SGCZ: variants seen among roughly 807,000 people sequenced by gnomAD.
SGCZ encodes the protein zeta-sarcoglycan.
In SGCZ, 40 loss-of-function variants were observed where a neutral mutation model predicts 41.3. The ratio of observed to expected loss-of-function variants is 0.97; its 90% CI spans 0.75 to 1.26. The LOEUF (loss-of-function observed/expected upper bound fraction) is 1.26. Ranked by LOEUF, SGCZ falls within the 50% of genes most tolerant of loss-of-function variation. The pLI is 0.00. For synonymous variants in SGCZ, 206 were observed against 137.5 expected (o/e 1.50, Z -3.49); for missense variants, 552 against 369.8 (o/e 1.49, Z -4.04).
At chr8:14,340,692 T>C (rs141879276) in intron 2 of SGCZ, among the ~76,000 whole-genome samples, 1 of 152,300 alleles carries the variant, frequency 6.6e-6, no homozygotes, top group Admixed American at 6.5e-5. Flanking sequence ...GACTAATGCA[T>C]CCACTGATAA....
intron 2 of SGCZ, among the ~76,000 whole-genome samples, chr8:14,415,717 A>G (rs548797874): frequency 6.6e-6 from 1 of 152,064 alleles, no homozygotes; most frequent in South Asian, 2.1e-4. Flanking sequence ...TTGGAATAAC[A>G]GTTGAGAACA....
intron 2 of SGCZ, among the ~76,000 whole-genome samples, chr8:14,339,138 G>T (rs576833306): frequency 6.6e-6 from 1 of 151,964 alleles, no homozygotes; most frequent in Non-Finnish European, 1.5e-5. Flanking sequence ...AAAAATCAGT[G>T]CTACGAAAGC....
At chr8:14,337,212 T>C (rs750758290) in intron 2 of SGCZ, among the ~76,000 whole-genome samples, 4 of 152,124 alleles carry the variant, frequency 2.6e-5, no homozygotes, top group Non-Finnish European at 4.4e-5. Flanking sequence ...AGTCTGCAAT[T>C]GTCCCCTTCC....
At chr8:14,587,689 C>A (rs897415642) in intron 1 of SGCZ, among the ~76,000 whole-genome samples, 1 of 152,148 alleles carries the variant, frequency 6.6e-6, no homozygotes, top group African/African-American at 2.4e-5. Context: ...TACTTCACCT[C>A]TCTTTTATTA....
chr8:14,652,285 G>A (rs1184870186), intron 1 of SGCZ, among the ~76,000 whole-genome samples: 2 of 121,464 alleles, frequency 1.6e-5, no homozygotes, highest in East Asian at 5.6e-4. Context: ...AGGTTGCGGT[G>A]AGCCAAGATC....
At chr8:15,137,780 G>T (rs752260889) in intron 1 of SGCZ, among the ~76,000 whole-genome samples, 3 of 152,224 alleles carry the variant, frequency 2.0e-5, no homozygotes, top group African/African-American at 7.2e-5. Flanking sequence ...GAAGTTTGCT[G>T]CAGAGATGGA....
intron 1 of SGCZ, among the ~76,000 whole-genome samples, chr8:14,886,653 G>C (rs1804817540): frequency 6.6e-6 from 1 of 152,148 alleles, no homozygotes; most frequent in African/African-American, 2.4e-5. Flanking sequence ...AGAAAAGAAA[G>C]AGATGAGATC....
chr8:14,691,550 A>G (rs572053361), intron 1 of SGCZ, among the ~76,000 whole-genome samples: 2 of 152,228 alleles, frequency 1.3e-5, no homozygotes, highest in Non-Finnish European at 2.9e-5. Flanking sequence ...TTTTGCAATC[A>G]TAGGCACATA....
chr8:14,624,562 T>TATTTA (rs1563161380), intron 1 of SGCZ, among the ~76,000 whole-genome samples: 2 of 108,654 alleles, frequency 1.8e-5, no homozygotes, highest in African/African-American at 6.7e-5. Flanking sequence ...ATTATTTTTT[T>TATTTA]TTTTTTTTTT....
intron 2 of SGCZ, among the ~76,000 whole-genome samples, chr8:14,459,141 T>C (rs895002527): frequency 6.6e-6 from 1 of 152,100 alleles, no homozygotes; most frequent in African/African-American, 2.4e-5. Flanking sequence ...GCTGGAAACC[T>C]TCATTCTCAG....
chr8:15,062,240 A>C (rs1019525524), intron 1 of SGCZ, among the ~76,000 whole-genome samples: 4 of 152,166 alleles, frequency 2.6e-5, no homozygotes. Flanking sequence ...CAGCAATAAT[A>C]AAAAATAGAA....
chr8:14,497,034 T>G (rs1232250741), intron 2 of SGCZ, among the ~76,000 whole-genome samples: 1 of 152,180 alleles, frequency 6.6e-6, no homozygotes, highest in Non-Finnish European at 1.5e-5. Flanking sequence ...GCAGTAGAAT[T>G]AACACTGACA....
intron 2 of SGCZ, among the ~76,000 whole-genome samples, chr8:14,523,622 A>G (rs1802854323): frequency 6.6e-6 from 1 of 152,004 alleles, no homozygotes; most frequent in African/African-American, 2.4e-5. Flanking sequence ...ACTTTCTAGA[A>G]GCTTGCCTGT....
chr8:15,108,608 G>A (rs1421098945), intron 1 of SGCZ, among the ~76,000 whole-genome samples: 2 of 152,170 alleles, frequency 1.3e-5, no homozygotes, highest in African/African-American at 4.8e-5. Flanking sequence ...AAAGTACATA[G>A]GATTGATCAG....
At chr8:14,866,830 G>A (rs1803949344) in intron 1 of SGCZ, among the ~76,000 whole-genome samples, 1 of 152,024 alleles carries the variant, frequency 6.6e-6, no homozygotes, top group Admixed American at 6.6e-5. Flanking sequence ...TTTGGAGTTT[G>A]TTTGTCTCAA....
At chr8:15,036,051 G>C (rs1803862449) in intron 1 of SGCZ, among the ~76,000 whole-genome samples, 1 of 151,916 alleles carries the variant, frequency 6.6e-6, no homozygotes, top group African/African-American at 2.4e-5. Flanking sequence ...AAAGAGAGTT[G>C]CTATGTGAAA....
chr8:14,855,538 T>C (rs1423148912), intron 1 of SGCZ, among the ~76,000 whole-genome samples: 1 of 152,178 alleles, frequency 6.6e-6, no homozygotes, highest in African/African-American at 2.4e-5. Context: ...GACTAGAAGG[T>C]CAATTCTGGT....
chr8:14,528,381 T>C (rs927859491), intron 2 of SGCZ, among the ~76,000 whole-genome samples: 27 of 152,028 alleles, frequency 1.8e-4, no homozygotes, highest in Non-Finnish European at 7.4e-5. Flanking sequence ...TACTAAACAA[T>C]ATGTATGCGT....
chr8:15,101,532 T>G (rs889946191), intron 1 of SGCZ, among the ~76,000 whole-genome samples: 1 of 152,154 alleles, frequency 6.6e-6, no homozygotes, highest in Non-Finnish European at 1.5e-5. Context: ...TAAAACAACA[T>G]GAGATACCTC....
Sources: allele counts gnomAD v4.1 joint callset (sites outside exome capture counted in the v4.1 genomes callset), GRCh38; gene constraint gnomAD v4.1.1; transcripts MANE v1.5; gene names NCBI Gene and HGNC (gene_info 2026-07-23, HGNC 2026-07-21).